The following ARHGAP10 variants were observed in gnomAD, a reference collection of about 807,000 sequenced individuals.
ARHGAP10 encodes Rho GTPase activating protein 10, also known as rho GTPase-activating protein 10.
In ARHGAP10, 87 loss-of-function variants were observed where a neutral mutation model predicts 108.6. The ratio of observed to expected loss-of-function variants is 0.80; its 90% CI spans 0.67 to 0.96. ARHGAP10 has a LOEUF of 0.96. Ranked by LOEUF, ARHGAP10 falls within the 40% of genes least tolerant of loss-of-function variation. The pLI, the probability that ARHGAP10 is intolerant of heterozygous loss-of-function variation, is 0.00. For synonymous variants in ARHGAP10, 347 were observed against 341.1 expected, an observed-to-expected ratio of 1.02 and a Z score of -0.19; for missense variants, 939 against 954.5, an observed-to-expected ratio of 0.98 and a Z score of 0.21.
At position 147,957,917 on chromosome 4, in the gene ARHGAP10, GTT is replaced by G. The variant is rs113861941; in HGVS notation, c.1450+2544_1450+2545del. Reference sequence around the variant, plus strand: ...TTTAAAGGTTGACTGCATTGGAAAAGTTAAAACATTTTTTTCTTTGAGAAAAT... The same window carrying G: ...TTTAAAGGTTGACTGCATTGGAAAAGAAAACATTTTTTTCTTTGAGAAAAT... On this transcript the variant is annotated intron_variant, in intron 16 of 22. Coordinates refer to ENST00000336498, the MANE Select transcript of ARHGAP10 (RefSeq NM_024605.4). Among the ~76,000 whole-genome samples, 6 of 152,278 alleles carry G rather than the reference GTT, an allele frequency of 3.9e-5. 2 individuals are homozygous for G. The highest frequency in any genetic ancestry group is 1.4e-4 in the African/African-American group (6 of 41,556).
rs116143842 is a variant in ARHGAP10 at position 148,063,227 on chromosome 4, A to T, written c.2107A>T (p.Thr703Ser). 17 of 1,614,124 alleles carry T rather than the reference A, an allele frequency of 1.1e-5. No homozygotes were observed. In the East Asian group the frequency reaches 3.1e-4, roughly 30 times the overall value. The change falls in exon 21 of 23, where the codon ACA becomes TCA. Residue 703 changes from threonine (T) to serine (S), a missense_variant. Coordinates refer to ENST00000336498, the MANE Select transcript of ARHGAP10 (RefSeq NM_024605.4). Reference protein sequence around the residue: ...PTTTSSNSAVTPLSPGSSPFP... With the variant: ...PTTTSSNSAVSPLSPGSSPFP... ...CACAACAAGCTCCAACTCAGCTGTG[A>T]CACCTCTTTCACCCGGGTCGTCCCC...
intron 20 of ARHGAP10, among the ~76,000 whole-genome samples, chr4:148,050,683 C>T (rs535816041): frequency 9.2e-5 from 14 of 151,860 alleles, no homozygotes; most frequent in Admixed American, 5.9e-4. Flanking sequence ...GATTCATCTT[C>T]TTTCTTATAA....
intron 18 of ARHGAP10, among the ~76,000 whole-genome samples, chr4:148,013,140 C>T (rs1741229073): frequency 6.6e-6 from 1 of 152,160 alleles, no homozygotes; most frequent in Admixed American, 6.5e-5. Flanking sequence ...TTCAGGGCAG[C>T]CTGTCCTAAA....
intron 22 of ARHGAP10, among the ~76,000 whole-genome samples, chr4:148,069,518 G>A (rs552671466): frequency 7.9e-5 from 12 of 152,318 alleles, no homozygotes; most frequent in Admixed American, 2.0e-4. Flanking sequence ...CTCCAGCGTT[G>A]TAGAAAATCA....
rs564520613 is a variant in ARHGAP10 at position 147,906,295 on chromosome 4, G to A, written c.1035-343G>A. ...AGGTGGAAGCAACCCAAGTGTCTGC[G>A]GATATTGTGAATGGATAAGAAAAAT... On this transcript the variant is annotated intron_variant, in intron 10 of 22. Transcript: ENST00000336498. Among the ~76,000 whole-genome samples the A allele has an allele frequency of 1.4e-4, 22 of 152,286 alleles. 1 individual carries two copies. Among genetic ancestry groups the A allele is most frequent in the African/African-American group, 3.6e-4 (15 of 41,576 alleles).
Position 147,763,428 on chromosome 4 carries a change from C to T in ARHGAP10, c.154+30973C>T, listed in dbSNP as rs559626877. 4.6e-5 allele frequency among the ~76,000 whole-genome samples: 7 copies of T among 151,966 alleles called. No individual in the cohort carries two copies. In the East Asian group the frequency reaches 1.4e-3, roughly 29 times the overall value. On this transcript the variant is annotated intron_variant, in intron 1 of 22. Coordinates refer to ENST00000336498, the MANE Select transcript of ARHGAP10 (RefSeq NM_024605.4). ...CTGGGTTCAAGCGATTCTCCTGCCT[C>T]AGCCTCTCGAGTAGCTGGGACTATA... is the stretch of plus-strand genomic sequence containing the variant.
intron 13 of ARHGAP10, among the ~76,000 whole-genome samples, chr4:147,924,880 C>T (rs960719295): frequency 2.6e-5 from 4 of 152,090 alleles, no homozygotes; most frequent in Admixed American, 2.6e-4. Context: ...GTGTGAGTTG[C>T]TTATTTAGAG....
chr4:147,884,745 G>A (rs1437929897), intron 10 of ARHGAP10, among the ~76,000 whole-genome samples: 2 of 152,234 alleles, frequency 1.3e-5, no homozygotes, highest in African/African-American at 4.8e-5. Context: ...CTGGAGACAG[G>A]AGAGAGCATG....
At chr4:147,783,548 TATA>T (rs1730657631) in intron 1 of ARHGAP10, among the ~76,000 whole-genome samples, 5 of 145,064 alleles carry the variant, frequency 3.4e-5, no homozygotes, top group African/African-American at 1.3e-4. Flanking sequence ...TTGTATAATT[TATA>T]GAACACACAT....
intron 1 of ARHGAP10, among the ~76,000 whole-genome samples, chr4:147,750,718 C>T (rs938069352): frequency 4.6e-5 from 7 of 151,648 alleles, no homozygotes; most frequent in Non-Finnish European, 8.8e-5. Context: ...TCTCCTGCCT[C>T]AGCCTCCTGA....
chr4:147,800,837 C>A (rs917264956), intron 1 of ARHGAP10, among the ~76,000 whole-genome samples: 1 of 152,068 alleles, frequency 6.6e-6, no homozygotes, highest in African/African-American at 2.4e-5. Context: ...TTTGACACAG[C>A]GTCTTACTCT....
chr4:147,892,243 C>A (rs939156543), intron 10 of ARHGAP10, among the ~76,000 whole-genome samples: 1 of 152,056 alleles, frequency 6.6e-6, no homozygotes, highest in African/African-American at 2.4e-5. Context: ...GATTTTATAC[C>A]AGCAACTTTA....
intron 18 of ARHGAP10, among the ~76,000 whole-genome samples, chr4:147,989,436 G>A (rs1740179880): frequency 1.3e-5 from 2 of 152,222 alleles, no homozygotes; most frequent in South Asian, 4.1e-4. Context: ...AAGCCTGGGA[G>A]CGGTATGGGA....
Position 148,063,166 on chromosome 4 carries a change from G to A in ARHGAP10, c.2046G>A (p.Ser682=), listed in dbSNP as rs200687367. 82 of 1,614,140 alleles carry A rather than the reference G, an allele frequency of 5.1e-5. No homozygotes were observed. The highest frequency in any genetic ancestry group is 4.9e-4 in the Middle Eastern group (3 of 6,062). The change falls in exon 21 of 23, where the codon TCG becomes TCA. Residue 682 remains serine (S), a synonymous_variant. Coordinates refer to ENST00000336498, the MANE Select transcript of ARHGAP10 (RefSeq NM_024605.4). ...CCCTTAGCCCAGGCCAGACCCGATC[G>A]TCTATGGTCCAGTGGCTTAACCCAC... ...WASTIPGQTR[S]SMVQWLNPQS...
At chr4:147,978,557 C>T (rs1004566633) in intron 18 of ARHGAP10, among the ~76,000 whole-genome samples, 4 of 152,094 alleles carry the variant, frequency 2.6e-5, no homozygotes, top group Non-Finnish European at 4.4e-5. Context: ...TGTGGCACTT[C>T]CCCCCTTGCT....
intron 19 of ARHGAP10, among the ~76,000 whole-genome samples, chr4:148,039,029 A>C (rs571388244): frequency 7.4e-4 from 112 of 151,706 alleles, no homozygotes; most frequent in African/African-American, 2.5e-3. Context: ...TGGGCTATCA[A>C]CTCCCTCTGA....
chr4:147,785,018 A>G (rs1331231117), intron 1 of ARHGAP10, among the ~76,000 whole-genome samples: 2 of 139,232 alleles, frequency 1.4e-5, no homozygotes, highest in East Asian at 4.0e-4. Context: ...TATATATTAT[A>G]AAATATATGT....
At chr4:147,827,432 GAT>G (rs1321532509) in intron 3 of ARHGAP10, among the ~76,000 whole-genome samples, 1 of 152,200 alleles carries the variant, frequency 6.6e-6, no homozygotes, top group Non-Finnish European at 1.5e-5. Context: ...CGCCAGCAAA[GAT>G]AATGTGGCTC....
In ARHGAP10 at chr4:148,070,079, G is replaced by A. The variant is rs142696846; in HGVS notation, c.2273-1914G>A. On this transcript the variant is annotated intron_variant, in intron 22 of 22. Transcript: ENST00000336498. Reference sequence around the variant, plus strand: ...ACACAGATAATCATGTGTCTGACACGGTGCTAGGTGCTGGGTCTCATGTTA... The same window carrying A: ...ACACAGATAATCATGTGTCTGACACAGTGCTAGGTGCTGGGTCTCATGTTA... Among the ~76,000 whole-genome samples, 253 of 152,320 alleles carry A rather than the reference G, an allele frequency of 1.7e-3. 1 individual carries two copies. The highest frequency in any genetic ancestry group is 5.6e-3 in the African/African-American group (231 of 41,574).
Sources: gnomAD v4.1 joint callset for allele counts (sites outside exome capture counted in the v4.1 genomes callset) on GRCh38, gnomAD v4.1.1 for gene constraint, MANE v1.5 for transcripts, NCBI Gene and HGNC (gene_info 2026-07-23, HGNC 2026-07-21) for gene names.